LHFPL6: variants seen among roughly 807,000 people sequenced by gnomAD.
LHFPL6 encodes LHFPL tetraspan subfamily member 6, also known as LHFPL tetraspan subfamily member 6 protein.
In LHFPL6, 9 loss-of-function variants were observed where a neutral mutation model predicts 20.6. The ratio of observed to expected loss-of-function variants is 0.44; its 90% confidence interval spans 0.26 to 0.76. LHFPL6 has a LOEUF of 0.76. Ranked by LOEUF, LHFPL6 falls within the 30% of genes least tolerant of loss-of-function variation. LHFPL6 has a pLI of 0.20. For missense variants in LHFPL6, 218 were observed against 253.5 expected (o/e 0.86, Z 0.95); for synonymous variants, 105 against 98.7 (o/e 1.06, Z -0.38).
chr13:39,493,260 G>A (rs1868989014), intron 2 of LHFPL6, among the ~76,000 whole-genome samples: 2 of 149,212 alleles, frequency 1.3e-5, no homozygotes, highest in African/African-American at 2.5e-5. Flanking sequence ...CCTGAAGTCA[G>A]GAGTTTGAGA....
chr13:39,501,562 C>T (rs938239685), intron 2 of LHFPL6, among the ~76,000 whole-genome samples: 1 of 152,144 alleles, frequency 6.6e-6, no homozygotes, highest in Non-Finnish European at 1.5e-5. Context: ...ATTGAGGCTT[C>T]CCCCCAGGCT....
intron 2 of LHFPL6, among the ~76,000 whole-genome samples, chr13:39,424,010 G>A (rs922876271): frequency 6.6e-6 from 1 of 152,180 alleles, no homozygotes; most frequent in African/African-American, 2.4e-5. Context: ...AAGGCAAGGG[G>A]AAGGAAGAAG....
intron 2 of LHFPL6, among the ~76,000 whole-genome samples, chr13:39,505,930 A>C (rs1869462202): frequency 1.3e-5 from 2 of 152,210 alleles, no homozygotes; most frequent in African/African-American, 4.8e-5. Context: ...AGGAGCTATC[A>C]ATAATTTCTC....
At chr13:39,416,549 T>C (rs997827853) in intron 2 of LHFPL6, among the ~76,000 whole-genome samples, 1 of 152,198 alleles carries the variant, frequency 6.6e-6, no homozygotes, top group Non-Finnish European at 1.5e-5. Context: ...TCCTTTTCCA[T>C]ACAACCTCTG....
At chr13:39,381,826 C>CA (rs10581776) in intron 2 of LHFPL6, among the ~76,000 whole-genome samples, 2,436 of 140,252 alleles carry the variant, frequency 0.017, 75 homozygotes, top group African/African-American at 0.059. Flanking sequence ...AATTTATAGA[C>CA]AAAAAAAAAA....
Position 39,392,014 on chromosome 13 carries a change from T to C in LHFPL6, c.386-13488A>G, listed in dbSNP as rs1355516619. On this transcript the variant is annotated intron_variant, in intron 2 of 3. Transcript: ENST00000379589. ...ATAACTGCAACTTTTTACTTTTCCA[T>C]CTGTGATGTACTGATCAGTCCCAAA... 4.6e-5 allele frequency among the ~76,000 whole-genome samples: 7 copies of C among 152,340 alleles called. 1 individual carries two copies. In the East Asian group the frequency reaches 1.3e-3, roughly 29 times the overall value.
At chr13:39,378,643 A>AC in intron 2 of LHFPL6, 117 bp from the exon 3 acceptor site, 1 of 632,414 alleles carries the variant, frequency 1.6e-6, no homozygotes, top group Non-Finnish European at 2.7e-6. Context: ...TTTAGACAGC[A>AC]CCAGCCACAA....
chr13:39,374,918 G>A (rs1870248143), intron 3 of LHFPL6, among the ~76,000 whole-genome samples: 2 of 152,148 alleles, frequency 1.3e-5, no homozygotes. Context: ...ATAAATATTT[G>A]TTGGCTGACT....
chr13:39,478,016 A>G lies in LHFPL6; in HGVS notation c.386-99490T>C, dbSNP rs1490050705. Reference sequence around the variant, plus strand: ...TTTAACAGCATCCATCTGGAAACCAATGTCCAGTTTTGAGAAGAATTAAAT... The same window carrying G: ...TTTAACAGCATCCATCTGGAAACCAGTGTCCAGTTTTGAGAAGAATTAAAT... On this transcript the variant is annotated intron_variant, in intron 2 of 3. Coordinates refer to ENST00000379589, the MANE Select transcript of LHFPL6 (RefSeq NM_005780.3). Among the ~76,000 whole-genome samples, 9 of 152,250 alleles carry G rather than the reference A, an allele frequency of 5.9e-5. No homozygotes were observed. The East Asian group carries it at 1.7e-3, about 29-fold the overall frequency.
At chr13:39,372,390 A>C (rs933624452) in intron 3 of LHFPL6, among the ~76,000 whole-genome samples, 1 of 151,886 alleles carries the variant, frequency 6.6e-6, no homozygotes, top group African/African-American at 2.4e-5. Flanking sequence ...ATTTTTTTCA[A>C]GTATGCTCAC....
At chr13:39,565,719 A>G (rs767198604) in intron 2 of LHFPL6, among the ~76,000 whole-genome samples, 14 of 152,258 alleles carry the variant, frequency 9.2e-5, no homozygotes, top group South Asian at 2.1e-4. Flanking sequence ...TATGAGGCTG[A>G]CAAGCCCTTC....
chr13:39,412,657 G>A (rs1395648735), intron 2 of LHFPL6, among the ~76,000 whole-genome samples: 1 of 152,192 alleles, frequency 6.6e-6, no homozygotes, highest in South Asian at 2.1e-4. Context: ...AGGTGCAGTG[G>A]CTCACGCCTG....
At chr13:39,398,996 C>A (rs1479223546) in intron 2 of LHFPL6, among the ~76,000 whole-genome samples, 1 of 152,170 alleles carries the variant, frequency 6.6e-6, no homozygotes, top group Non-Finnish European at 1.5e-5. Context: ...TCTAGAACAG[C>A]AGAGTACGTT....
intron 2 of LHFPL6, among the ~76,000 whole-genome samples, chr13:39,383,906 G>A (rs1870500481): frequency 6.6e-6 from 1 of 152,170 alleles, no homozygotes; most frequent in Admixed American, 6.5e-5. Flanking sequence ...ACCCACTAAG[G>A]GTGGATTATC....
intron 2 of LHFPL6, among the ~76,000 whole-genome samples, chr13:39,589,491 C>A (rs1266876571): frequency 1.3e-5 from 2 of 152,132 alleles, no homozygotes. Context: ...AATGTTGTAT[C>A]CAACCCGACG....
At chr13:39,514,168 A>G (rs1869822732) in intron 2 of LHFPL6, among the ~76,000 whole-genome samples, 1 of 152,134 alleles carries the variant, frequency 6.6e-6, no homozygotes. Flanking sequence ...CTTCATATGT[A>G]AACTAAATAA....
At chr13:39,447,035 A>G (rs1158427382) in intron 2 of LHFPL6, among the ~76,000 whole-genome samples, 2 of 152,238 alleles carry the variant, frequency 1.3e-5, no homozygotes, top group Non-Finnish European at 2.9e-5. Flanking sequence ...AACAAATTAG[A>G]GCCCAAATCC....
chr13:39,395,177 T>C (rs1167830381), intron 2 of LHFPL6, among the ~76,000 whole-genome samples: 2 of 152,178 alleles, frequency 1.3e-5, no homozygotes, highest in East Asian at 3.9e-4. Flanking sequence ...GCCTCCTTTT[T>C]TCAGCAGAAT....
Position 39,601,191 on chromosome 13 carries a change from C to T in LHFPL6, c.26G>A (p.Gly9Glu). The T allele has an allele frequency of 6.2e-7, 1 of 1,613,140 alleles. No homozygotes were observed. The highest frequency in any genetic ancestry group is 1.7e-4 in the Middle Eastern group (1 of 6,054). ...AAAAGACAGCAAAGCCCAGATTACT[C>T]CAGTACAAGTCAGGCTGGATGCCAT... MASSLTCT[G>E]VIWALLSFLC... is the part of the protein sequence containing the mutation. The change falls in exon 2 of 4, where the codon GGA (glycine) becomes GAA (glutamate). Residue 9 changes from glycine (G) to glutamate (E), a missense_variant. Coordinates refer to ENST00000379589, the MANE Select transcript of LHFPL6 (RefSeq NM_005780.3).
Sources: allele counts gnomAD v4.1 joint callset (sites outside exome capture counted in the v4.1 genomes callset), GRCh38; gene constraint gnomAD v4.1.1; transcripts MANE v1.5; gene names NCBI Gene and HGNC (gene_info 2026-07-23, HGNC 2026-07-21).